Variants in SATL1 observed in about 807,000 individuals in gnomAD.
The protein encoded by SATL1 is spermidine/spermine N(1)-acetyltransferase-like protein 1.
A neutral mutation model predicts 51.8 loss-of-function variants in SATL1; 47 were observed. The ratio of observed to expected loss-of-function variants is 0.91; its 90% CI spans 0.72 to 1.16. The LOEUF is 1.16. SATL1 is among the 50% of genes most tolerant of loss of function. The probability of loss-of-function intolerance (pLI) is 0.00; values close to 1 mark genes in which losing one functional copy is unlikely to be tolerated. For missense variants in SATL1, 520 were observed against 526.4 expected (o/e 0.99, Z 0.12); for synonymous variants, 176 against 182.4 (o/e 0.97, Z 0.28).
chrX:85,115,520 CAG>C (rs1925364756), intron 2 of SATL1, among the ~76,000 whole-genome samples: 1 of 112,259 alleles, frequency 8.9e-6, no homozygotes, highest in Admixed American at 9.4e-5. Context: ...GTATAAATCT[CAG>C]GGGATATCCA....
At chrX:85,203,780 G>A (rs916505941) in intron 2 of SATL1, among the ~76,000 whole-genome samples, 2 of 112,539 alleles carry the variant, frequency 1.8e-5, no homozygotes, top group Middle Eastern at 4.6e-3. Context: ...CCCTTTCCAC[G>A]GGAGCTCCTT....
chrX:85,162,376 G>A (rs1926741573), intron 2 of SATL1, among the ~76,000 whole-genome samples: 1 of 111,258 alleles, frequency 9.0e-6, no homozygotes, highest in Admixed American at 9.6e-5. Context: ...ACTGATTTGT[G>A]TACATTGATT....
At chrX:85,137,018 G>C (rs999913064) in intron 2 of SATL1, among the ~76,000 whole-genome samples, 14 of 111,749 alleles carry the variant, frequency 1.3e-4, no homozygotes, top group African/African-American at 3.6e-4. Context: ...CAACAGAAAG[G>C]AAGAGGTTGA....
At position 85,099,076 on chromosome X, in the gene SATL1, A is replaced by C. The variant is rs888783073; in HGVS notation, c.1694-4080T>G. On this transcript the variant is annotated intron_variant, in intron 4 of 7. Transcript: ENST00000644105. ...ATGCAAATAATTAAAATCAGAAATG[A>C]AAATAAGGACATTACTGCCAACACT... Among the ~76,000 whole-genome samples, 3 of 111,820 alleles carry C rather than the reference A, an allele frequency of 2.7e-5. No individual in the cohort carries two copies. In the Admixed American group the frequency reaches 2.9e-4, roughly 11 times the overall value.
intron 1 of SATL1, among the ~76,000 whole-genome samples, chrX:85,229,748 G>C (rs1313744024): frequency 5.4e-5 from 6 of 111,253 alleles, no homozygotes; most frequent in Non-Finnish European, 1.1e-4. Flanking sequence ...TAAAGTTGTG[G>C]GATACAGATT....
intron 2 of SATL1, among the ~76,000 whole-genome samples, chrX:85,154,543 T>C (rs1926540730): frequency 8.9e-6 from 1 of 111,863 alleles, no homozygotes; most frequent in Non-Finnish European, 1.9e-5. Flanking sequence ...TTCACACCTA[T>C]CAACTCATTT....
At chrX:85,095,047 A>T (rs1191821699) in intron 4 of SATL1, 51 bp from the exon 5 acceptor site, 1 of 686,835 alleles carries the variant, frequency 1.5e-6, no homozygotes, top group African/African-American at 2.1e-5. Flanking sequence ...AGCAGAGAGA[A>T]GGAGATGGTG....
intron 2 of SATL1, among the ~76,000 whole-genome samples, chrX:85,185,535 C>G (rs866382017): frequency 9.0e-6 from 1 of 111,166 alleles, no homozygotes; most frequent in South Asian, 3.8e-4. Context: ...GCCACCCAAG[C>G]CACAAGACAA....
At position 85,224,267 on chromosome X, in the gene SATL1, C is replaced by T. The variant is rs1928230925; in HGVS notation, c.-375G>A. ...TGTAGCCACACCACTGTGATCTCTG[C>T]CTCCCTTTTCACATCATCTTCTCCT... On this transcript the variant is annotated 5_prime_UTR_variant, in exon 2 of 8. Coordinates refer to ENST00000644105, the MANE Select transcript of SATL1 (RefSeq NM_001367857.2). 1 of 108,262 alleles carries T rather than the reference C, an allele frequency of 9.2e-6. No individual in the cohort carries two copies. The highest frequency in any genetic ancestry group is 1.9e-5 in the Non-Finnish European group (1 of 51,876). The allele number at this position is 108,262 out of a possible 1,213,427, so 8.9% of individuals were successfully genotyped here. A position where few individuals can be genotyped will look rare whatever the true frequency, so the allele number is the denominator to read the frequency against.
chrX:85,227,768 A>G (rs916980456), intron 1 of SATL1, among the ~76,000 whole-genome samples: 2 of 111,682 alleles, frequency 1.8e-5, no homozygotes, highest in Non-Finnish European at 3.8e-5. Context: ...ATCACAATAC[A>G]TGGTCTTTAT....
At chrX:85,126,196 A>G (rs1238550823) in intron 2 of SATL1, among the ~76,000 whole-genome samples, 1 of 110,567 alleles carries the variant, frequency 9.0e-6, no homozygotes, top group Admixed American at 9.7e-5. Flanking sequence ...TATCTTTTAC[A>G]TCTTCCCTAT....
At chrX:85,216,463 C>T (rs1461560262) in intron 2 of SATL1, among the ~76,000 whole-genome samples, 1 of 111,136 alleles carries the variant, frequency 9.0e-6, no homozygotes, top group Non-Finnish European at 1.9e-5. Flanking sequence ...GGGTCCTCTC[C>T]CAAGCTCATG....
intron 2 of SATL1, among the ~76,000 whole-genome samples, chrX:85,215,419 ACT>A (rs1236941709): frequency 9.0e-6 from 1 of 110,833 alleles, no homozygotes. Context: ...TCCTGAAAAC[ACT>A]CTTTTCTTCT....
intron 2 of SATL1, among the ~76,000 whole-genome samples, chrX:85,150,370 G>A (rs1048406750): frequency 1.3e-4 from 14 of 109,768 alleles, no homozygotes; most frequent in African/African-American, 4.6e-4. Context: ...ATTCACAGCC[G>A]AATTCTACCA....
At chrX:85,099,431 A>G (rs1370164723) in intron 4 of SATL1, among the ~76,000 whole-genome samples, 1 of 111,770 alleles carries the variant, frequency 8.9e-6, no homozygotes, top group Admixed American at 9.5e-5. Flanking sequence ...TCTGATTCCA[A>G]AGGCAGTCAA....
Position 85,108,755 on chromosome X carries a change from G to T in SATL1, c.214C>A (p.Pro72Thr). 1.7e-6 allele frequency: 2 copies of T among 1,209,358 alleles called. No homozygotes were observed. Among genetic ancestry groups the T allele is most frequent in the Non-Finnish European group, 2.2e-6 (2 of 894,311 alleles). ...SGTNLPDINQ[P>T]DMKQPDTWQL... ...CATGTGTCTGGTTGTTTCATGTCGG[G>T]TTGGTTTATGTCTGGTAGGTTTGTA... Residue 72 changes from proline (P) to threonine (T), a missense_variant, in exon 3 of 8, where the codon CCC becomes ACC. By Grantham distance (38) the Pro-to-Thr change is conservative (BLOSUM62 -1). This residue lies in a region of SATL1 where 488 missense variants were observed against 474.3 expected (regional missense o/e 1.03). Coordinates refer to ENST00000644105, the MANE Select transcript of SATL1 (RefSeq NM_001367857.2).
intron 2 of SATL1, among the ~76,000 whole-genome samples, chrX:85,132,143 T>C (rs1338850553): frequency 1.8e-5 from 2 of 111,260 alleles, no homozygotes; most frequent in Non-Finnish European, 1.9e-5. Context: ...TTGCTCTTCT[T>C]GAGGTGTATC....
chrX:85,112,391 T>C (rs1925280461), intron 2 of SATL1, among the ~76,000 whole-genome samples: 1 of 111,067 alleles, frequency 9.0e-6, no homozygotes, highest in Non-Finnish European at 1.9e-5. Flanking sequence ...GGAAGTAAAG[T>C]ACACTTGGAA....
chrX:85,152,435 A>G (rs867960053), intron 2 of SATL1, among the ~76,000 whole-genome samples: 15 of 111,823 alleles, frequency 1.3e-4, no homozygotes, highest in Middle Eastern at 4.2e-3. Context: ...TAGAACTAGA[A>G]ATACCATTTG....
Sources: allele counts gnomAD v4.1 joint callset (sites outside exome capture counted in the v4.1 genomes callset), GRCh38; gene constraint gnomAD v4.1.1; regional missense constraint gnomAD v4.1.1; transcripts MANE v1.5; gene names NCBI Gene and HGNC (gene_info 2026-07-23, HGNC 2026-07-21).